The following LNPEP variants were observed in gnomAD, a reference collection of about 807,000 sequenced individuals.
LNPEP encodes leucyl and cystinyl aminopeptidase.
Under a neutral mutation model 120.6 loss-of-function variants are expected in LNPEP, and 64 were observed. That is an observed-to-expected ratio of 0.53 (90% CI 0.43 to 0.65). LNPEP has a LOEUF of 0.65. LNPEP is among the 30% of genes least tolerant of loss of function. LNPEP has a pLI of 0.00. For synonymous variants in LNPEP, 435 were observed against 425.4 expected (o/e 1.02, Z -0.28); for missense variants, 1,057 against 1,200.0 (o/e 0.88, Z 1.76).
intron 8 of LNPEP, among the ~76,000 whole-genome samples, chr5:97,000,639 A>G (rs1790627657): frequency 6.6e-6 from 1 of 152,188 alleles, no homozygotes; most frequent in African/African-American, 2.4e-5. Context: ...TGCTGTCACA[A>G]CTTTCTGGAG....
At chr5:96,962,416 C>T (rs1474946316) in intron 1 of LNPEP, among the ~76,000 whole-genome samples, 1 of 152,140 alleles carries the variant, frequency 6.6e-6, no homozygotes, top group Non-Finnish European at 1.5e-5. Context: ...TTAATATAGA[C>T]AGCTGATAAT....
intron 13 of LNPEP, among the ~76,000 whole-genome samples, chr5:97,019,366 G>T (rs1459004062): frequency 6.6e-6 from 1 of 152,002 alleles, no homozygotes; most frequent in African/African-American, 2.4e-5. Context: ...TGAAGCACAT[G>T]CTATGCCTCA....
intron 2 of LNPEP, among the ~76,000 whole-genome samples, chr5:96,984,662 C>T (rs1030425118): frequency 6.6e-6 from 1 of 152,164 alleles, no homozygotes; most frequent in Non-Finnish European, 1.5e-5. Context: ...TAATATTTAA[C>T]TTAACCACTC....
At chr5:96,983,187 C>T (rs887447521) in intron 2 of LNPEP, among the ~76,000 whole-genome samples, 2 of 152,122 alleles carry the variant, frequency 1.3e-5, no homozygotes, top group African/African-American at 4.8e-5. Context: ...AAATCTCATA[C>T]TCTTTCTTTT....
At chr5:96,945,839 G>C (rs1413779853) in intron 1 of LNPEP, among the ~76,000 whole-genome samples, 5 of 152,192 alleles carry the variant, frequency 3.3e-5, no homozygotes, top group Admixed American at 3.3e-4. Flanking sequence ...ATCATTCCAA[G>C]ATCCTCTTTA....
In LNPEP at chr5:97,037,454, T is replaced by C. The variant is rs1439968142; in HGVS notation, c.*8921T>C. 6.6e-6 allele frequency: 1 copy of C among 152,204 alleles called. No individual in the cohort carries two copies. Among genetic ancestry groups the C allele is most frequent in the Non-Finnish European group, 1.5e-5 (1 of 68,022 alleles). 9.4% of individuals were successfully genotyped at this position (152,204 alleles called of 1,614,324 possible). A position where few individuals can be genotyped will look rare whatever the true frequency, so the allele number is the denominator to read the frequency against. On this transcript the variant is annotated 3_prime_UTR_variant, in exon 18 of 18. Coordinates refer to ENST00000231368, the MANE Select transcript of LNPEP (RefSeq NM_005575.3). ...TGACCAGCACTGACTGAAAGGCATG[T>C]GTAGCTGCAAACACTGTTGCTTTTT...
At chr5:96,990,880 T>C (rs779300829) in intron 4 of LNPEP, among the ~76,000 whole-genome samples, 6 of 152,234 alleles carry the variant, frequency 3.9e-5, no homozygotes, top group Non-Finnish European at 5.9e-5. Context: ...GGTTGAAACC[T>C]ATTTGACCTC....
chr5:97,009,894 G>A (rs1201367980), intron 11 of LNPEP, among the ~76,000 whole-genome samples: 3 of 152,132 alleles, frequency 2.0e-5, no homozygotes, highest in Non-Finnish European at 4.4e-5. Flanking sequence ...CTTTTATGCT[G>A]TAATACTTTA....
Position 97,033,453 on chromosome 5 carries a change from A to G in LNPEP, c.*4920A>G, listed in dbSNP as rs1791509814. The G allele has an allele frequency of 6.6e-6, 1 of 152,202 alleles. No homozygotes were observed. The highest frequency in any genetic ancestry group is 1.5e-5 in the Non-Finnish European group (1 of 68,040). The allele number at this position is 152,202 out of a possible 1,614,324, so 9.4% of individuals were successfully genotyped here. Reference sequence around the variant, plus strand: ...CTCTTTTCCCTTTCCCTTATTGCCCATGTGGGCAATACTTAAGAGTAGTTT... The same window carrying G: ...CTCTTTTCCCTTTCCCTTATTGCCCGTGTGGGCAATACTTAAGAGTAGTTT... On this transcript the variant is annotated 3_prime_UTR_variant, in exon 18 of 18. Coordinates refer to ENST00000231368, the MANE Select transcript of LNPEP (RefSeq NM_005575.3).
intron 13 of LNPEP, among the ~76,000 whole-genome samples, chr5:97,020,444 G>A (rs895456831): frequency 1.3e-5 from 2 of 152,182 alleles, no homozygotes; most frequent in African/African-American, 4.8e-5. Context: ...TTCCTTCAGA[G>A]GGGGTATCTG....
At chr5:97,003,643 C>T in intron 9 of LNPEP, 97 bp downstream of exon 9, 1 of 773,198 alleles carries the variant, frequency 1.3e-6, no homozygotes, top group Non-Finnish European at 1.9e-6. Flanking sequence ...ATCTGTGGTA[C>T]AAAGCATAGT....
intron 1 of LNPEP, among the ~76,000 whole-genome samples, chr5:96,949,411 GA>G (rs1371772166): frequency 4.6e-5 from 7 of 152,196 alleles, no homozygotes; most frequent in Non-Finnish European, 1.0e-4. Context: ...CTTCTTATGA[GA>G]ATCTAATGCC....
At position 96,983,499 on chromosome 5, in the gene LNPEP, G is replaced by A. The variant is rs180938383; in HGVS notation, c.861-1581G>A. Among the ~76,000 whole-genome samples, 467 of 152,160 alleles carry A rather than the reference G, an allele frequency of 3.1e-3. 3 individuals carry two copies. Among genetic ancestry groups the A allele is most frequent in the Non-Finnish European group, 5.5e-3 (375 of 68,006 alleles). ...CTTGCTCTGTCGCCCAGGTTGGAGT[G>A]CAGTGGTGCAATCTTGGCTGACTGC... On this transcript the variant is annotated intron_variant, in intron 2 of 17. Transcript: ENST00000231368.
In LNPEP at chr5:97,028,560, G is replaced by T. The variant is rs1363846389; in HGVS notation, c.*27G>T. On this transcript the variant is annotated 3_prime_UTR_variant, in exon 18 of 18. Transcript: ENST00000231368. ...ATGCACAACCGCACCTCATTTTGTT[G>T]CCCATTCAGAGAGCTTGTAAGCTTG... The T allele has an allele frequency of 1.2e-6, 2 of 1,610,576 alleles. No homozygotes were observed. The highest frequency in any genetic ancestry group is 1.7e-6 in the Non-Finnish European group (2 of 1,178,260).
intron 1 of LNPEP, among the ~76,000 whole-genome samples, chr5:96,948,645 T>A (rs1789249617): frequency 6.6e-6 from 1 of 152,220 alleles, no homozygotes; most frequent in Non-Finnish European, 1.5e-5. Flanking sequence ...GGTCCCTGAT[T>A]TTGAGGAGCT....
At chr5:96,992,271 T>A (rs1790407574) in intron 4 of LNPEP, among the ~76,000 whole-genome samples, 1 of 152,186 alleles carries the variant, frequency 6.6e-6, no homozygotes, top group Non-Finnish European at 1.5e-5. Flanking sequence ...ATGAACCTGT[T>A]GTTCCCTTGG....
At chr5:96,969,515 C>T (rs1205547339) in intron 1 of LNPEP, among the ~76,000 whole-genome samples, 5 of 151,978 alleles carry the variant, frequency 3.3e-5, no homozygotes, top group Non-Finnish European at 7.4e-5. Flanking sequence ...TGTCTCTAGC[C>T]TGTGACCCAG....
At chr5:96,990,559 C>G (rs1790366663) in intron 4 of LNPEP, among the ~76,000 whole-genome samples, 1 of 152,134 alleles carries the variant, frequency 6.6e-6, no homozygotes, top group East Asian at 1.9e-4. Context: ...ATTTATTGAA[C>G]ACTTAGACAT....
intron 8 of LNPEP, among the ~76,000 whole-genome samples, chr5:97,002,131 C>T (rs548559098): frequency 3.9e-5 from 6 of 152,094 alleles, no homozygotes; most frequent in African/African-American, 1.4e-4. Flanking sequence ...AAGAGTGAGA[C>T]TTCATCTCAA....
Sources: allele counts gnomAD v4.1 joint callset (sites outside exome capture counted in the v4.1 genomes callset), GRCh38; gene constraint gnomAD v4.1.1; transcripts MANE v1.5; gene names NCBI Gene and HGNC (gene_info 2026-07-23, HGNC 2026-07-21).